The following BRD10 variants were observed in gnomAD, a reference collection of about 807,000 sequenced individuals.
BRD10 encodes the protein uncharacterized bromodomain-containing protein 10.
the BRD10 span, among the ~76,000 whole-genome samples, chr9:5,972,030 G>A: frequency 6.6e-6 from 1 of 152,040 alleles, no homozygotes; most frequent in South Asian, 2.1e-4. Context: ...TGAGTTTAAT[G>A]TGGTTTCATG....
At chr9:5,951,073 C>T in the BRD10 span, among the ~76,000 whole-genome samples, 2 of 146,422 alleles carry the variant, frequency 1.4e-5, no homozygotes, top group African/African-American at 5.2e-5. Context: ...CACACACACA[C>T]ACACCCCCAC....
At chr9:5,885,795 TGA>T in the BRD10 span, among the ~76,000 whole-genome samples, 1 of 152,210 alleles carries the variant, frequency 6.6e-6, no homozygotes, top group Non-Finnish European at 1.5e-5. Context: ...CAGATAATAA[TGA>T]GAGCTGGGAT....
chr9:5,992,019 A>G, the BRD10 span, among the ~76,000 whole-genome samples: 1 of 152,076 alleles, frequency 6.6e-6, no homozygotes, highest in Non-Finnish European at 1.5e-5. Context: ...ATATGGCTAC[A>G]CTCTATCACT....
chr9:5,952,572 T>C, the BRD10 span, among the ~76,000 whole-genome samples: 5 of 152,254 alleles, frequency 3.3e-5, no homozygotes, highest in Non-Finnish European at 1.5e-5. Context: ...TCTGCTAAAA[T>C]GATTTCATGC....
the BRD10 span, among the ~76,000 whole-genome samples, chr9:5,889,152 C>G: frequency 3.9e-5 from 6 of 152,206 alleles, no homozygotes; most frequent in African/African-American, 1.4e-4. Context: ...TAGTACAACA[C>G]CTGCAGCTGG....
At chr9:5,885,975 T>C in the BRD10 span, among the ~76,000 whole-genome samples, 1 of 152,210 alleles carries the variant, frequency 6.6e-6, no homozygotes, top group Admixed American at 6.5e-5. Flanking sequence ...AGGTAGAAGT[T>C]GTTTTCCCCA....
At chr9:5,995,332 A>T in the BRD10 span, among the ~76,000 whole-genome samples, 1 of 152,356 alleles carries the variant, frequency 6.6e-6, no homozygotes, top group Admixed American at 6.5e-5. Flanking sequence ...AACCAAAATT[A>T]TCTAAATCCA....
chr9:5,937,555 G>T, the BRD10 span, among the ~76,000 whole-genome samples: 3 of 152,110 alleles, frequency 2.0e-5, no homozygotes, highest in Middle Eastern at 3.2e-3. Context: ...AAAATAAAAA[G>T]AAAAAGAAAC....
At chr9:5,912,197 T>C in the BRD10 span, among the ~76,000 whole-genome samples, 1 of 152,254 alleles carries the variant, frequency 6.6e-6, no homozygotes, top group African/African-American at 2.4e-5. Flanking sequence ...CATACAGAAA[T>C]GATACTGATT....
chr9:5,886,262 G>C, the BRD10 span, among the ~76,000 whole-genome samples: 1 of 152,216 alleles, frequency 6.6e-6, no homozygotes, highest in Admixed American at 6.5e-5. Context: ...AGGTGGGCCT[G>C]TGATGCCAGG....
the BRD10 span, among the ~76,000 whole-genome samples, chr9:5,966,872 T>C: frequency 6.6e-6 from 1 of 152,204 alleles, no homozygotes; most frequent in Admixed American, 6.5e-5. Context: ...CTTTTAAACA[T>C]TGTGGTTTTT....
At chr9:5,918,326 TAAC>T in the BRD10 span, among the ~76,000 whole-genome samples, 2 of 152,188 alleles carry the variant, frequency 1.3e-5, no homozygotes, top group Non-Finnish European at 2.9e-5. Flanking sequence ...TGATGAAGTT[TAAC>T]AACATTATAA....
chr9:5,948,314 T>A, the BRD10 span, among the ~76,000 whole-genome samples: 78 of 152,276 alleles, frequency 5.1e-4, 1 homozygote, highest in African/African-American at 1.6e-3. Flanking sequence ...ATTATATTCT[T>A]TTTAAAAGGG....
chr9:5,921,533 G>C, the BRD10 span: 3 of 1,613,912 alleles, frequency 1.9e-6, no homozygotes, highest in South Asian at 3.3e-5. Flanking sequence ...ATTAATTGCA[G>C]TTCCATTGCC....
At chr9:5,967,364 T>C in the BRD10 span, among the ~76,000 whole-genome samples, 5 of 152,188 alleles carry the variant, frequency 3.3e-5, no homozygotes, top group African/African-American at 1.2e-4. Context: ...CACTGAAGAC[T>C]TCATAGAATT....
At chr9:5,929,082 T>C in the BRD10 span, 19 of 1,606,020 alleles carry the variant, frequency 1.2e-5, no homozygotes, top group Admixed American at 6.7e-5. Flanking sequence ...TTGGTTCCCA[T>C]GGCAGCAATT....
At chr9:5,919,545 C>CACACACAA in the BRD10 span, 1 of 525,388 alleles carries the variant, frequency 1.9e-6, no homozygotes, top group Non-Finnish European at 3.4e-6. Flanking sequence ...TACATTAAAA[C>CACACACAA]ACACACACAC....
the BRD10 span, among the ~76,000 whole-genome samples, chr9:5,889,843 C>T: frequency 6.6e-6 from 1 of 152,068 alleles, no homozygotes; most frequent in African/African-American, 2.4e-5. Flanking sequence ...GGTCCGACAC[C>T]GCAATTACTT....
At chr9:5,891,071 T>C in the BRD10 span, 4 of 152,236 alleles carry the variant, frequency 2.6e-5, no homozygotes, top group South Asian at 6.2e-4. Flanking sequence ...TCCGCAACGT[T>C]TGTCAGTCTC....
Sources: allele counts gnomAD v4.1 joint callset (sites outside exome capture counted in the v4.1 genomes callset), GRCh38; gene constraint gnomAD v4.1.1; transcripts MANE v1.5; gene names NCBI Gene and HGNC (gene_info 2026-07-23, HGNC 2026-07-21).